The following GLE1 variants were observed in gnomAD, a reference collection of about 807,000 sequenced individuals.
GLE1 encodes GLE1 RNA export mediator.
Under a neutral mutation model 97.3 loss-of-function variants are expected in GLE1, and 78 were observed. The observed-to-expected ratio is 0.80, with a 90% confidence interval of 0.67 to 0.97. The LOEUF (loss-of-function observed/expected upper bound fraction) is 0.97, where lower values mean the gene tolerates loss of function less well. Ranked by LOEUF, GLE1 falls within the 50% of genes least tolerant of loss-of-function variation. The probability of loss-of-function intolerance (pLI) is 0.00; values close to 1 mark genes in which losing one functional copy is unlikely to be tolerated. For synonymous variants in GLE1, 302 were observed against 313.4 expected, an observed-to-expected ratio of 0.96 and a Z score of 0.39; for missense variants, 753 against 857.5, an observed-to-expected ratio of 0.88 and a Z score of 1.52.
rs754826368 is a variant in GLE1 at position 128,509,013 on chromosome 9, A to G, written c.237A>G (p.Leu79=). The change falls in exon 2 of 16, where the codon CTA becomes CTG. Residue 79 remains leucine, a synonymous_variant. Coordinates refer to ENST00000309971, the MANE Select transcript of GLE1 (RefSeq NM_001003722.2). ...TSPSSTSASA[L]DQPSFVPKSP... is the part of the protein sequence containing the mutation. ...CATCCTCTACGTCAGCTTCAGCCCT[A>G]GATCAACCCTCATTTGTTCCCAAAT... 7.4e-6 allele frequency: 12 copies of G among 1,613,770 alleles called. No homozygotes were observed. In the Admixed American group the frequency reaches 1.8e-4, roughly 25 times the overall value.
chr9:128,514,053 A>C (rs1409395606), intron 2 of GLE1, among the ~76,000 whole-genome samples: 2 of 151,356 alleles, frequency 1.3e-5, no homozygotes, highest in African/African-American at 4.9e-5. Flanking sequence ...AAGAAAAAAA[A>C]TAGGCCAGGC....
At chr9:128,533,427 CAAAAAAAAAAAAAA>C (rs5900802) in intron 9 of GLE1, 72 bp from the exon 10 acceptor site, 21 of 453,626 alleles carry the variant, frequency 4.6e-5, no homozygotes, top group East Asian at 4.8e-5. Flanking sequence ...GATACTGTCT[CAAAAAAAAAAAAAA>C]AAAAAAAAAA....
At chr9:128,518,473 A>G (rs1026331401) in intron 3 of GLE1, among the ~76,000 whole-genome samples, 2 of 152,072 alleles carry the variant, frequency 1.3e-5, no homozygotes, top group African/African-American at 4.8e-5. Context: ...AGGCTGGACA[A>G]TCACTCGAAC....
Position 128,519,981 on chromosome 9 carries a change from G to A in GLE1, c.433-2687G>A, listed in dbSNP as rs144933996. Among the ~76,000 whole-genome samples the A allele has an allele frequency of 3.4e-4, 51 of 152,224 alleles. No individual in the cohort carries two copies. The East Asian group carries it at 8.7e-3, about 26-fold the overall frequency. ...GGGCAGGTTCCCCAATAGGGCACCC[G>A]TGGCTTACACCTGTAATCCCAGCAC... On this transcript the variant is annotated intron_variant, in intron 3 of 15. Coordinates refer to ENST00000309971, the MANE Select transcript of GLE1 (RefSeq NM_001003722.2).
At chr9:128,523,476 C>T in intron 5 of GLE1, 116 bp from the exon 6 acceptor site, 3 of 1,432,594 alleles carry the variant, frequency 2.1e-6, no homozygotes, top group Non-Finnish European at 3.0e-6. Flanking sequence ...TTGGGATGTC[C>T]TCTTCCTGCT....
At chr9:128,511,067 C>T (rs1271302495) in intron 2 of GLE1, among the ~76,000 whole-genome samples, 2 of 150,686 alleles carry the variant, frequency 1.3e-5, no homozygotes, top group Admixed American at 6.6e-5. Flanking sequence ...AGCTGGGCGT[C>T]GTGGCGCACG....
chr9:128,524,221 G>A (rs1847238866), intron 6 of GLE1, among the ~76,000 whole-genome samples: 1 of 151,622 alleles, frequency 6.6e-6, no homozygotes, highest in Admixed American at 6.6e-5. Flanking sequence ...TGGGACTACA[G>A]GCGCATACCA....
At chr9:128,508,842 T>G (rs969620233) in intron 1 of GLE1, 34 bp from the exon 2 acceptor site, 18 of 1,194,492 alleles carry the variant, frequency 1.5e-5, no homozygotes, top group Non-Finnish European at 2.3e-5. Context: ...ACAGTTGACG[T>G]GTAAGTTGAG....
At position 128,536,459 on chromosome 9, in the gene GLE1, G is replaced by A. The variant is rs775632469; in HGVS notation, c.1751G>A (p.Arg584Gln). 52 of 1,613,832 alleles carry A rather than the reference G, an allele frequency of 3.2e-5. No individual in the cohort carries two copies. Among genetic ancestry groups the A allele is most frequent in the Non-Finnish European group, 4.1e-5 (48 of 1,179,870 alleles). Residue 584 changes from arginine (R) to glutamine (Q), a missense_variant, in exon 12 of 16, where the codon CGG (arginine) becomes CAG (glutamine). Coordinates refer to ENST00000309971, the MANE Select transcript of GLE1 (RefSeq NM_001003722.2). ...IRLYAAIIQLRWPYGNRQEIH... is the reference protein window; with the variant it reads ...IRLYAAIIQLQWPYGNRQEIH... ...CTCTACGCTGCTATCATCCAGCTCCGGTGGCCATATGGAAACCGACAGGAG... is the reference window on the plus strand; with the variant it reads ...CTCTACGCTGCTATCATCCAGCTCCAGTGGCCATATGGAAACCGACAGGAG...
rs1221399077 is a variant in GLE1 at position 128,522,698 on chromosome 9, G to A, written c.463G>A (p.Glu155Lys). The A allele has an allele frequency of 5.6e-6, 9 of 1,612,694 alleles. No homozygotes were observed. Among genetic ancestry groups the A allele is most frequent in the African/African-American group, 1.3e-5 (1 of 74,426 alleles). ...EGLRLWQEEQ[E>K]RKVQALSEMA... The stretch of plus-strand genomic sequence containing the variant: ...CCTGAGGCTATGGCAGGAGGAGCAG[G>A]AGAGGAAGGTGCAAGCCCTCTCGGA... Residue 155 changes from glutamate to lysine, a missense_variant, in exon 4 of 16, where the codon GAG becomes AAG. Glu to Lys is a moderately conservative substitution (Grantham distance 56). Coordinates refer to ENST00000309971, the MANE Select transcript of GLE1 (RefSeq NM_001003722.2).
At chr9:128,529,470 C>A (rs1847415243) in intron 9 of GLE1, among the ~76,000 whole-genome samples, 1 of 152,174 alleles carries the variant, frequency 6.6e-6, no homozygotes, top group Non-Finnish European at 1.5e-5. Context: ...TGTGATTACT[C>A]CTTTTTATAG....
In GLE1 at chr9:128,509,093, C is replaced by T; in HGVS notation, c.317C>T (p.Thr106Ile). Residue 106 changes from threonine (T) to isoleucine (I), a missense_variant, in exon 2 of 16, where the codon ACC becomes ATC. Thr to Ile is a moderately conservative substitution (Grantham distance 89). Transcript: ENST00000309971. ...SPASPATPNG[T>I]KGKDESQHTE... ...GCCTCCCCTGCAACACCAAATGGAACCAAGGTAAGGTTGTGATCAGCTTAA... is the reference window on the plus strand; with the variant it reads ...GCCTCCCCTGCAACACCAAATGGAATCAAGGTAAGGTTGTGATCAGCTTAA... 6.3e-7 allele frequency: 1 copy of T among 1,586,708 alleles called. No individual in the cohort carries two copies. Among genetic ancestry groups the T allele is most frequent in the Admixed American group, 1.7e-5 (1 of 59,974 alleles).
intron 2 of GLE1, among the ~76,000 whole-genome samples, chr9:128,513,776 G>T (rs866106923): frequency 1.3e-5 from 2 of 151,704 alleles, no homozygotes; most frequent in Non-Finnish European, 2.9e-5. Context: ...CAGCACTTTG[G>T]AAGGCCAAGG....
At chr9:128,514,420 A>G (rs2132425676) in intron 2 of GLE1, among the ~76,000 whole-genome samples, 1 of 149,692 alleles carries the variant, frequency 6.7e-6, no homozygotes, top group African/African-American at 2.4e-5. Flanking sequence ...CCTCAAGTCC[A>G]TACTGGGTGT....
chr9:128,530,388 TG>T (rs550234617), intron 9 of GLE1, among the ~76,000 whole-genome samples: 13 of 152,322 alleles, frequency 8.5e-5, no homozygotes, highest in African/African-American at 3.1e-4. Context: ...GCTGGAAACC[TG>T]GGAGTCATCT....
rs1178046534 is a variant in GLE1, at chr9:128,531,180, C to G, written c.1313-2333C>G. ...GGTGATCTGAGATCACGCCATTGCA[C>G]TCCAGTCTGGGCAAAAAGAGCAAAA... On this transcript the variant is annotated intron_variant, in intron 9 of 15. Coordinates refer to ENST00000309971, the MANE Select transcript of GLE1 (RefSeq NM_001003722.2). Among the ~76,000 whole-genome samples, 11 of 143,850 alleles carry G rather than the reference C, an allele frequency of 7.6e-5. No homozygotes were observed. In the South Asian group the frequency reaches 8.8e-4, roughly 12 times the overall value. 94.4% of individuals were successfully genotyped at this position (143,850 alleles called of 152,430 possible).
In GLE1 at chr9:128,526,557, C is replaced by A. The variant is rs572378929; in HGVS notation, c.1130-622C>A. Among the ~76,000 whole-genome samples, 21 of 152,200 alleles carry A rather than the reference C, an allele frequency of 1.4e-4. No homozygotes were observed. The East Asian group carries it at 4.1e-3, about 29-fold the overall frequency. ...TATTTTTAGTGGAGACGGGGTTTCTCCATGTTGGTCAGGCTGGTTTCGAAC... is the reference window on the plus strand; with the variant it reads ...TATTTTTAGTGGAGACGGGGTTTCTACATGTTGGTCAGGCTGGTTTCGAAC... On this transcript the variant is annotated intron_variant, in intron 7 of 15. Coordinates refer to ENST00000309971, the MANE Select transcript of GLE1 (RefSeq NM_001003722.2).
intron 3 of GLE1, among the ~76,000 whole-genome samples, chr9:128,520,418 ATG>A (rs1431165055): frequency 5.4e-5 from 8 of 147,266 alleles, no homozygotes; most frequent in African/African-American, 2.0e-4. Flanking sequence ...ATGTATATAT[ATG>A]TATATATGTA....
chr9:128,517,215 G>C (rs145763667), intron 3 of GLE1, among the ~76,000 whole-genome samples: 1 of 151,932 alleles, frequency 6.6e-6, no homozygotes, highest in African/African-American at 2.4e-5. Context: ...ACTTGAACCC[G>C]GGAGGCAGAG....
Sources: allele counts gnomAD v4.1 joint callset (sites outside exome capture counted in the v4.1 genomes callset), GRCh38; gene constraint gnomAD v4.1.1; transcripts MANE v1.5; gene names NCBI Gene and HGNC (gene_info 2026-07-23, HGNC 2026-07-21).